The following GRID2 variants were observed in gnomAD, a reference collection of about 807,000 sequenced individuals.
GRID2 encodes the protein glutamate receptor ionotropic, delta-2.
In GRID2, 33 loss-of-function variants were observed where a neutral mutation model predicts 114.8. The observed-to-expected ratio is 0.29, with a 90% CI of 0.22 to 0.38. GRID2 has a LOEUF of 0.38. Among genes scored for constraint, GRID2 ranks in the 10% least tolerant of loss-of-function variants. GRID2 has a pLI of 1.00. For synonymous variants in GRID2, 505 were observed against 449.9 expected (o/e 1.12, Z -1.55); for missense variants, 1,184 against 1,257.7 (o/e 0.94, Z 0.89).
At chr4:92,792,501 ACACT>A (rs1301984088) in intron 2 of GRID2, among the ~76,000 whole-genome samples, 11 of 137,334 alleles carry the variant, frequency 8.0e-5, no homozygotes, top group Admixed American at 4.5e-4. Context: ...ACACACACAC[ACACT>A]GTCACTCTCT....
chr4:93,747,932 T>G (rs1731988180), intron 14 of GRID2, among the ~76,000 whole-genome samples: 1 of 152,128 alleles, frequency 6.6e-6, no homozygotes, highest in African/African-American at 2.4e-5. Context: ...TAAGTACTAT[T>G]TTTCAACTTG....
chr4:92,405,149 G>A lies in GRID2; in HGVS notation c.88+100405G>A, dbSNP rs74825158. ...GAGAACTGCCTGGGTTTGAAGAATG[G>A]CGTTCAAACTCCCAGCAATTCGACT... On this transcript the variant is annotated intron_variant, in intron 1 of 15. Transcript: ENST00000282020. 5.3e-3 allele frequency among the ~76,000 whole-genome samples: 801 copies of A among 152,262 alleles called. 13 individuals are homozygous for A. In the East Asian group the frequency reaches 0.065, roughly 12 times the overall value.
intron 1 of GRID2, among the ~76,000 whole-genome samples, chr4:92,417,400 G>A (rs977813431): frequency 2.0e-5 from 3 of 152,148 alleles, no homozygotes; most frequent in African/African-American, 7.2e-5. Flanking sequence ...TTAATTCTCA[G>A]TGCAACAGTG....
intron 1 of GRID2, among the ~76,000 whole-genome samples, chr4:92,382,769 G>A (rs1035489569): frequency 7.2e-5 from 11 of 151,874 alleles, no homozygotes; most frequent in African/African-American, 1.2e-4. Flanking sequence ...GTAGAAAATA[G>A]CCATGCTACA....
At chr4:92,957,076 A>G (rs185888318) in intron 2 of GRID2, among the ~76,000 whole-genome samples, 16 of 152,164 alleles carry the variant, frequency 1.1e-4, no homozygotes, top group African/African-American at 3.9e-4. Flanking sequence ...TGTCTTTTGC[A>G]CGTATTTTCT....
At chr4:93,128,404 A>G (rs1447923236) in intron 4 of GRID2, among the ~76,000 whole-genome samples, 1 of 152,250 alleles carries the variant, frequency 6.6e-6, no homozygotes, top group Non-Finnish European at 1.5e-5. Flanking sequence ...ACTTTCTGAC[A>G]TAAAGAAATT....
At chr4:92,554,284 GAAAC>G (rs1253769891) in intron 1 of GRID2, among the ~76,000 whole-genome samples, 18 of 152,118 alleles carry the variant, frequency 1.2e-4, no homozygotes, top group Admixed American at 2.6e-4. Context: ...CTATAAGAAA[GAAAC>G]AGAGAAATCG....
intron 4 of GRID2, among the ~76,000 whole-genome samples, chr4:93,115,493 A>T (rs1733157356): frequency 6.6e-6 from 1 of 152,018 alleles, no homozygotes; most frequent in South Asian, 2.1e-4. Flanking sequence ...TTTTAAACTT[A>T]GTAACTTCTA....
intron 2 of GRID2, among the ~76,000 whole-genome samples, chr4:92,940,551 C>G (rs1172505924): frequency 6.6e-6 from 1 of 152,110 alleles, no homozygotes; most frequent in African/African-American, 2.4e-5. Context: ...TAATTGAATG[C>G]CCTTTATTTC....
chr4:93,351,205 C>T (rs973727523), intron 8 of GRID2, among the ~76,000 whole-genome samples: 2 of 152,058 alleles, frequency 1.3e-5, no homozygotes, highest in African/African-American at 4.8e-5. Flanking sequence ...ACAGGTCATG[C>T]ATTCATGTTA....
At chr4:92,732,411 G>C (rs192795571) in intron 2 of GRID2, among the ~76,000 whole-genome samples, 1 of 152,098 alleles carries the variant, frequency 6.6e-6, no homozygotes, top group Admixed American at 6.6e-5. Context: ...GTATGTGCTA[G>C]AGTTAAAATG....
intron 1 of GRID2, among the ~76,000 whole-genome samples, chr4:92,528,682 A>C (rs990743054): frequency 6.6e-6 from 1 of 152,030 alleles, no homozygotes; most frequent in Admixed American, 6.6e-5. Context: ...GGGGAAAGCC[A>C]GCTGAAGAAG....
intron 2 of GRID2, among the ~76,000 whole-genome samples, chr4:92,736,390 T>C (rs1736599999): frequency 6.6e-6 from 1 of 152,130 alleles, no homozygotes; most frequent in Non-Finnish European, 1.5e-5. Context: ...ATTTGAGATA[T>C]AGCATAATAA....
chr4:93,311,393 G>A (rs113291641), intron 8 of GRID2, among the ~76,000 whole-genome samples: 1 of 152,094 alleles, frequency 6.6e-6, no homozygotes, highest in Non-Finnish European at 1.5e-5. Context: ...TTAGGTCAGG[G>A]TATGGATTAA....
At chr4:92,938,265 A>T (rs1225903685) in intron 2 of GRID2, among the ~76,000 whole-genome samples, 1 of 146,612 alleles carries the variant, frequency 6.8e-6, no homozygotes, top group Non-Finnish European at 1.5e-5. Context: ...GTGATAAATT[A>T]TCAGTTCTTA....
chr4:93,682,609 T>G (rs1725674891), intron 14 of GRID2, among the ~76,000 whole-genome samples: 1 of 152,024 alleles, frequency 6.6e-6, no homozygotes, highest in South Asian at 2.1e-4. Flanking sequence ...CCATAAAAAA[T>G]GATGAGTTCA....
chr4:93,277,179 G>A (rs1009569922), intron 8 of GRID2, among the ~76,000 whole-genome samples: 3 of 151,818 alleles, frequency 2.0e-5, no homozygotes, highest in Non-Finnish European at 4.4e-5. Context: ...GAAACTTATT[G>A]TATTTTGTTT....
intron 1 of GRID2, among the ~76,000 whole-genome samples, chr4:92,370,544 G>C (rs1044128872): frequency 6.6e-6 from 1 of 152,002 alleles, no homozygotes; most frequent in Non-Finnish European, 1.5e-5. Context: ...CAGCTACTCA[G>C]GGAGGCTGAG....
At chr4:93,650,210 C>T (rs551077829) in intron 14 of GRID2, among the ~76,000 whole-genome samples, 13 of 152,144 alleles carry the variant, frequency 8.5e-5, no homozygotes, top group Non-Finnish European at 1.2e-4. Context: ...AGAAAGCAGC[C>T]CTAAGGATAT....
Sources: allele counts gnomAD v4.1 joint callset (sites outside exome capture counted in the v4.1 genomes callset), GRCh38; gene constraint gnomAD v4.1.1; transcripts MANE v1.5; gene names NCBI Gene and HGNC (gene_info 2026-07-23, HGNC 2026-07-21).